Variants in MBOAT2 observed in about 807,000 individuals in gnomAD.
MBOAT2 encodes the protein membrane-bound glycerophospholipid O-acyltransferase 2.
A neutral mutation model predicts 63.4 loss-of-function variants in MBOAT2; 28 were observed. That is an observed-to-expected ratio of 0.44 (90% CI 0.33 to 0.61). MBOAT2 has a LOEUF of 0.61. Among genes scored for constraint, MBOAT2 ranks in the 20% least tolerant of loss-of-function variants. The probability of loss-of-function intolerance (pLI) is 0.03; values close to 1 mark genes in which losing one functional copy is unlikely to be tolerated. For missense variants in MBOAT2, 470 were observed against 605.8 expected (o/e 0.78, Z 2.35); for synonymous variants, 211 against 215.6 (o/e 0.98, Z 0.19).
Position 9,003,570 on chromosome 2 carries a change from G to T in MBOAT2, c.45C>A (p.Leu15=). 1.6e-6 allele frequency: 2 copies of T among 1,232,716 alleles called. No individual in the cohort carries two copies. The highest frequency in any genetic ancestry group is 2.0e-6 in the Non-Finnish European group (2 of 981,580). 76.4% of individuals were successfully genotyped at this position (1,232,716 alleles called of 1,614,324 possible). The change falls in exon 1 of 13, where the codon CTC becomes CTA. Residue 15 remains leucine (L), a synonymous_variant. Coordinates refer to ENST00000305997, the MANE Select transcript of MBOAT2 (RefSeq NM_138799.4). The surrounding 1 kb of genome is among the most constrained non-coding windows in gnomAD (Gnocchi z 5.4). ...CGATGGGCAGCTGCACGGCGTTGCT[G>T]AGGGGCTGCAGCAGGGTGGAGCCCG... ...STTGSTLLQP[L]SNAVQLPIDQ...
rs1431663239 is a variant in MBOAT2, at chr2:8,862,796, C to A, written c.1053-74G>T. The A allele has an allele frequency of 1.4e-5, 21 of 1,501,502 alleles. No homozygotes were observed. Among genetic ancestry groups the A allele is most frequent in the South Asian group, 4.0e-5 (3 of 75,186 alleles). The allele number at this position is 1,501,502 out of a possible 1,614,324, so 93.0% of individuals were successfully genotyped here. A position where few individuals can be genotyped will look rare whatever the true frequency, so the allele number is the denominator to read the frequency against. On this transcript the variant is annotated intron_variant, in intron 10 of 12. Coordinates refer to ENST00000305997, the MANE Select transcript of MBOAT2 (RefSeq NM_138799.4). The surrounding 1 kb of genome is among the most constrained non-coding windows in gnomAD (Gnocchi z 4.3). ...GTTTACAAAGCCTGCAATGATCATT[C>A]TTTTATTACCTGACAGGATTTAGGG...
chr2:8,876,398 G>A (rs960074958), intron 7 of MBOAT2, among the ~76,000 whole-genome samples: 1 of 152,206 alleles, frequency 6.6e-6, no homozygotes, highest in African/African-American at 2.4e-5. Flanking sequence ...TGCTGTGAAG[G>A]CTGAAAGAGT....
At chr2:8,872,202 A>G (rs769280308) in intron 8 of MBOAT2, among the ~76,000 whole-genome samples, 1 of 152,224 alleles carries the variant, frequency 6.6e-6, no homozygotes, top group Non-Finnish European at 1.5e-5. Flanking sequence ...CTCTTTGCTC[A>G]TGAGTGCAAA....
intron 9 of MBOAT2, among the ~76,000 whole-genome samples, 191 bp downstream of exon 9, chr2:8,868,254 CA>C (rs1340427914): frequency 1.7e-4 from 26 of 152,214 alleles, no homozygotes; most frequent in Non-Finnish European, 3.4e-4. Flanking sequence ...GCCTGAATTG[CA>C]CCTATCTTAT....
intron 4 of MBOAT2, among the ~76,000 whole-genome samples, chr2:8,897,226 C>G (rs978342487): frequency 7.3e-6 from 1 of 136,520 alleles, no homozygotes. Flanking sequence ...TCTCTGTCTC[C>G]TTCTTTGTCT....
chr2:8,873,388 A>G, intron 7 of MBOAT2, 88 bp from the exon 8 acceptor site: 1 of 1,317,438 alleles, frequency 7.6e-7, no homozygotes, highest in Non-Finnish European at 1.0e-6. Context: ...ATCTTCCTGA[A>G]TGGATCATCA....
At chr2:8,936,711 C>A (rs74801530) in intron 3 of MBOAT2, among the ~76,000 whole-genome samples, 4 of 149,444 alleles carry the variant, frequency 2.7e-5, no homozygotes, top group African/African-American at 7.4e-5. Context: ...GAACCAGAAC[C>A]CGGGAGACAG....
intron 2 of MBOAT2, among the ~76,000 whole-genome samples, chr2:8,956,861 G>GATT (rs1669265421): frequency 6.6e-6 from 1 of 152,184 alleles, no homozygotes; most frequent in African/African-American, 2.4e-5. Flanking sequence ...TCTAGGTAAA[G>GATT]AGATGCCTCC....
intron 1 of MBOAT2, among the ~76,000 whole-genome samples, chr2:8,974,089 C>A (rs1413519124): frequency 6.6e-6 from 1 of 152,126 alleles, no homozygotes; most frequent in Non-Finnish European, 1.5e-5. Context: ...ATGAAATGAT[C>A]TTTTAGATAC....
chr2:8,885,445 C>A (rs182304426), intron 5 of MBOAT2, among the ~76,000 whole-genome samples: 3 of 152,054 alleles, frequency 2.0e-5, no homozygotes, highest in Non-Finnish European at 4.4e-5. Flanking sequence ...TTCCAAAACC[C>A]GAATAAATCC....
intron 8 of MBOAT2, among the ~76,000 whole-genome samples, chr2:8,871,411 C>G (rs1662319297): frequency 6.6e-6 from 1 of 152,152 alleles, no homozygotes; most frequent in African/African-American, 2.4e-5. Flanking sequence ...AACTAGATGT[C>G]CAACCGAATC....
At chr2:8,906,470 G>A in intron 4 of MBOAT2, among the ~76,000 whole-genome samples, 1 of 152,328 alleles carries the variant, frequency 6.6e-6, no homozygotes, top group Non-Finnish European at 1.5e-5. Context: ...GCCTGAAGGA[G>A]GTGAAACCAC....
At chr2:8,977,629 C>T (rs544132273) in intron 1 of MBOAT2, among the ~76,000 whole-genome samples, 24 of 152,278 alleles carry the variant, frequency 1.6e-4, no homozygotes, top group Admixed American at 2.6e-4. Context: ...CTGAAGTGAG[C>T]TCTATGTTGC....
intron 4 of MBOAT2, among the ~76,000 whole-genome samples, chr2:8,892,020 A>C (rs1287813218): frequency 1.3e-5 from 2 of 152,254 alleles, no homozygotes; most frequent in African/African-American, 4.8e-5. Context: ...AGGATGAAAA[A>C]GTTAAAAAAT....
intron 2 of MBOAT2, among the ~76,000 whole-genome samples, chr2:8,947,749 C>T (rs922591331): frequency 4.6e-5 from 7 of 152,198 alleles, no homozygotes; most frequent in Non-Finnish European, 2.9e-5. Context: ...AAAAAGATTC[C>T]TTTCAAAATA....
intron 3 of MBOAT2, among the ~76,000 whole-genome samples, chr2:8,924,837 G>A (rs1289521344): frequency 6.6e-6 from 1 of 151,700 alleles, no homozygotes; most frequent in East Asian, 1.9e-4. Flanking sequence ...ATTGGTTTTT[G>A]GCTATTGGTA....
At chr2:8,893,494 T>C (rs539580490) in intron 4 of MBOAT2, among the ~76,000 whole-genome samples, 2 of 152,298 alleles carry the variant, frequency 1.3e-5, no homozygotes, top group South Asian at 4.1e-4. Context: ...ACTGTGTGGA[T>C]TAAATTCAAT....
chr2:8,927,346 A>G (rs915545008), intron 3 of MBOAT2, among the ~76,000 whole-genome samples: 1 of 152,192 alleles, frequency 6.6e-6, no homozygotes, highest in Non-Finnish European at 1.5e-5. Flanking sequence ...ATACATTCAT[A>G]TTGTCTGCTA....
At chr2:8,920,757 T>C (rs190465657) in intron 3 of MBOAT2, among the ~76,000 whole-genome samples, 577 of 152,314 alleles carry the variant, frequency 3.8e-3, no homozygotes, top group Middle Eastern at 6.8e-3. Context: ...TTTCTAAGTA[T>C]TTTATTCTTT....
Sources: allele counts gnomAD v4.1 joint callset (sites outside exome capture counted in the v4.1 genomes callset), GRCh38; gene constraint gnomAD v4.1.1; non-coding constraint Gnocchi (gnomAD v3.1); transcripts MANE v1.5; gene names NCBI Gene and HGNC (gene_info 2026-07-23, HGNC 2026-07-21).